POLN: variants seen among roughly 807,000 people sequenced by gnomAD.
The protein encoded by POLN is DNA polymerase N.
POLN carries 108 observed loss-of-function variants against 113.5 expected under a neutral mutation model. The observed-to-expected ratio is 0.95, with a 90% CI of 0.81 to 1.12. The LOEUF is 1.12. POLN is among the 50% of genes most tolerant of loss of function. The pLI is 0.00. For missense variants in POLN, 1,097 were observed against 1,077.1 expected (o/e 1.02, Z -0.26); for synonymous variants, 386 against 391.5 (o/e 0.99, Z 0.17).
rs750844060 is a variant in POLN, at chr4:2,096,686, A to AAGAGAGAGAG, written c.1983-763_1983-754dup. On this transcript the variant is annotated intron_variant, in intron 19 of 25. Transcript: ENST00000511885. ...CATCTCAGATTCAGAAGCCGAGAGAAAGAGAGAGAGAGAGAGAGAGAGAGA... is the reference window on the plus strand; with the variant it reads ...CATCTCAGATTCAGAAGCCGAGAGAAAGAGAGAGAGAGAGAGAGAGAGAGAGAGAGAGAGA... Among the ~76,000 whole-genome samples, 851 of 129,976 alleles carry AAGAGAGAGAG rather than the reference A, an allele frequency of 6.5e-3. 5 individuals carry two copies. The highest frequency in any genetic ancestry group is 8.4e-3 in the African/African-American group (286 of 33,894). The allele number at this position is 129,976 out of a possible 152,430, so 85.3% of individuals were successfully genotyped here. A position where few individuals can be genotyped will look rare whatever the true frequency, so the allele number is the denominator to read the frequency against.
chr4:2,204,446 C>CA (rs1279429384), intron 5 of POLN, among the ~76,000 whole-genome samples: 6 of 151,858 alleles, frequency 4.0e-5, no homozygotes, highest in Non-Finnish European at 5.9e-5. Context: ...GAAATGGTAA[C>CA]AAAAAAATTA....
At chr4:2,080,920 C>G (rs771008705) in intron 23 of POLN, 38 bp downstream of exon 23, 13 of 1,613,358 alleles carry the variant, frequency 8.1e-6, no homozygotes, top group Middle Eastern at 1.6e-4. Flanking sequence ...GAATACTAAC[C>G]CTCCCATCCA....
intron 4 of POLN, among the ~76,000 whole-genome samples, chr4:2,208,727 C>T (rs1046650982): frequency 6.6e-6 from 1 of 152,138 alleles, no homozygotes; most frequent in African/African-American, 2.4e-5. Flanking sequence ...TGGTGGCTCA[C>T]GCCTGTAATC....
chr4:2,116,570 T>A (rs981661660), intron 19 of POLN, among the ~76,000 whole-genome samples: 11 of 149,808 alleles, frequency 7.3e-5, no homozygotes, highest in Non-Finnish European at 1.0e-4. Flanking sequence ...AAAACCCAAA[T>A]CCATGTTTCA....
At chr4:2,146,632 G>A (rs929288166) in intron 16 of POLN, among the ~76,000 whole-genome samples, 3 of 152,104 alleles carry the variant, frequency 2.0e-5, no homozygotes, top group Admixed American at 2.0e-4. Context: ...GAGCTCTGGT[G>A]TGGGGAGGGG....
At chr4:2,234,198 C>CT (rs1463245383) in intron 2 of POLN, 1 of 152,074 alleles carries the variant, frequency 6.6e-6, no homozygotes, top group Non-Finnish European at 1.5e-5. Context: ...TTTCATCATG[C>CT]TAAGTAAAAA....
chr4:2,192,183 T>C (rs1733468129), intron 7 of POLN, among the ~76,000 whole-genome samples: 2 of 152,066 alleles, frequency 1.3e-5, no homozygotes, highest in South Asian at 4.2e-4. Context: ...CCTACTTTTG[T>C]ATATGTTAGA....
chr4:2,127,317 G>A lies in POLN; in HGVS notation c.1982+796C>T, dbSNP rs567510125. ...TCCTCAAAGGGGCACTGATGCACCCGGCCCGGTGAACACCTGTGATGTATA... is the reference window on the plus strand; with the variant it reads ...TCCTCAAAGGGGCACTGATGCACCCAGCCCGGTGAACACCTGTGATGTATA... On this transcript the variant is annotated intron_variant, in intron 19 of 25. Coordinates refer to ENST00000511885, the MANE Select transcript of POLN (RefSeq NM_181808.4). The surrounding 1 kb of genome is among the most constrained non-coding windows in gnomAD (Gnocchi z 4.7). Among the ~76,000 whole-genome samples the A allele has an allele frequency of 3.3e-4, 50 of 152,204 alleles. No individual in the cohort carries two copies. Among genetic ancestry groups the A allele is most frequent in the African/African-American group, 1.2e-3 (48 of 41,520 alleles).
intron 3 of POLN, among the ~76,000 whole-genome samples, chr4:2,214,284 G>C (rs1049609751): frequency 2.0e-5 from 3 of 151,996 alleles, no homozygotes; most frequent in African/African-American, 7.3e-5. Flanking sequence ...AAGACCTCTA[G>C]AAGAGAACAG....
intron 5 of POLN, among the ~76,000 whole-genome samples, chr4:2,203,493 T>C (rs1337670777): frequency 6.6e-6 from 1 of 151,562 alleles, no homozygotes; most frequent in Non-Finnish European, 1.5e-5. Context: ...GACAGGAGAA[T>C]TGCTTGAACC....
At chr4:2,176,226 T>G in intron 9 of POLN, 40 bp downstream of exon 9, 59 of 1,519,732 alleles carry the variant, frequency 3.9e-5, no homozygotes, top group Non-Finnish European at 4.9e-5. Context: ...ACATCTCTTG[T>G]GAGCCTCTGT....
intron 2 of POLN, among the ~76,000 whole-genome samples, chr4:2,234,869 A>G (rs1336448458): frequency 6.6e-6 from 1 of 152,120 alleles, no homozygotes; most frequent in Non-Finnish European, 1.5e-5. Flanking sequence ...GAAAAAAATG[A>G]TATACAACTA....
rs1421692254 is a variant in POLN at position 2,159,113 on chromosome 4, CT to C, written c.1611+41del. ...CAGACACAGGGCCATATGGTTCCCC[CT>C]CATCACCTTTTACCTTTTACGTACA... On this transcript the variant is annotated intron_variant, in intron 14 of 25. Coordinates refer to ENST00000511885, the MANE Select transcript of POLN (RefSeq NM_181808.4). 7 of 1,438,838 alleles carry C rather than the reference CT, an allele frequency of 4.9e-6. No individual in the cohort carries two copies. The Admixed American group carries it at 5.1e-5, about 10-fold the overall frequency. 89.1% of individuals were successfully genotyped at this position (1,438,838 alleles called of 1,614,324 possible). A position where few individuals can be genotyped will look rare whatever the true frequency, so the allele number is the denominator to read the frequency against.
At chr4:2,239,008 A>G in intron 2 of POLN, 1 of 1,544,588 alleles carries the variant, frequency 6.5e-7, no homozygotes, top group Non-Finnish European at 8.7e-7. Context: ...TGGTCAAGCT[A>G]GAAATTTTAG....
chr4:2,118,868 C>G (rs1201725496), intron 19 of POLN, among the ~76,000 whole-genome samples: 2 of 152,206 alleles, frequency 1.3e-5, no homozygotes, highest in African/African-American at 4.8e-5. Flanking sequence ...GGAGCAACCT[C>G]TATCAAAAAT....
rs950434931 is a variant in POLN at position 2,229,315 on chromosome 4, T to A, written c.-12-72A>T. 4.9e-6 allele frequency: 6 copies of A among 1,224,030 alleles called. No individual in the cohort carries two copies. In the African/African-American group the frequency reaches 9.5e-5, roughly 19 times the overall value. The allele number at this position is 1,224,030 out of a possible 1,614,324, so 75.8% of individuals were successfully genotyped here. Reference sequence around the variant, plus strand: ...GACTATAAAACAGGAAATACAATTATTTTCAAAAATTTATATACCAACTTT... The same window carrying A: ...GACTATAAAACAGGAAATACAATTAATTTCAAAAATTTATATACCAACTTT... On this transcript the variant is annotated intron_variant, in intron 2 of 25. Transcript: ENST00000511885.
At chr4:2,144,480 A>C (rs1416690263) in intron 16 of POLN, among the ~76,000 whole-genome samples, 1 of 152,128 alleles carries the variant, frequency 6.6e-6, no homozygotes. Flanking sequence ...TCTTAACTAG[A>C]AGAATTCATT....
At position 2,100,368 on chromosome 4, in the gene POLN, C is replaced by G. The variant is rs138992852; in HGVS notation, c.1983-4435G>C. On this transcript the variant is annotated intron_variant, in intron 19 of 25. Coordinates refer to ENST00000511885, the MANE Select transcript of POLN (RefSeq NM_181808.4). ...TCCTACTAGTAATAAACAGAAACTA[C>G]AATAAAAGAAAAGGACCACACTCAC... Among the ~76,000 whole-genome samples the G allele has an allele frequency of 3.5e-3, 529 of 152,096 alleles. 8 individuals carry two copies. Among genetic ancestry groups the G allele is most frequent in the Admixed American group, 0.016 (243 of 15,292 alleles).
chr4:2,226,510 T>G (rs771187073), intron 3 of POLN, among the ~76,000 whole-genome samples: 1 of 152,234 alleles, frequency 6.6e-6, no homozygotes, highest in Non-Finnish European at 1.5e-5. Flanking sequence ...GCAATGTAAG[T>G]GGTAGTTACA....
Sources: allele counts gnomAD v4.1 joint callset (sites outside exome capture counted in the v4.1 genomes callset), GRCh38; gene constraint gnomAD v4.1.1; non-coding constraint Gnocchi (gnomAD v3.1); transcripts MANE v1.5; gene names NCBI Gene and HGNC (gene_info 2026-07-23, HGNC 2026-07-21).